BEST1: variants seen among roughly 807,000 people sequenced by gnomAD.
BEST1 encodes bestrophin 1.
A neutral mutation model predicts 63.3 loss-of-function variants in BEST1; 58 were observed. The ratio of observed to expected loss-of-function variants is 0.92; its 90% CI spans 0.74 to 1.14. BEST1 has a LOEUF of 1.14. Ranked by LOEUF, BEST1 falls within the 50% of genes most tolerant of loss-of-function variation. The pLI is 0.00. For synonymous variants in BEST1, 283 were observed against 291.6 expected, an observed-to-expected ratio of 0.97 and a Z score of 0.30; for missense variants, 671 against 740.1, an observed-to-expected ratio of 0.91 and a Z score of 1.08.
downstream of BEST1, chr11:61,965,356 A>T: frequency 6.2e-7 from 1 of 1,610,984 alleles, no homozygotes. Flanking sequence ...CACCCCTAGG[A>T]TCTTTTGTTC....
chr11:61,953,339 G>A (rs1246023315), intron 2 of BEST1, among the ~76,000 whole-genome samples: 1 of 152,162 alleles, frequency 6.6e-6, no homozygotes, highest in East Asian at 1.9e-4. Flanking sequence ...ACTTTGGGAG[G>A]CCAAGGCAGG....
At chr11:61,964,788 G>A (rs1064740), downstream of BEST1, 1 of 1,599,958 alleles carries the variant, frequency 6.3e-7, no homozygotes, top group South Asian at 1.1e-5. Context: ...CGCCAAGCCA[G>A]ATTCGGGCGC....
chr11:61,956,711 G>A (rs987179828), intron 4 of BEST1, 133 bp from the exon 5 acceptor site: 3 of 1,051,220 alleles, frequency 2.9e-6, no homozygotes, highest in African/African-American at 3.1e-5. Context: ...CACCTAGTAG[G>A]TGCTCAGAAA....
At chr11:61,963,932 T>G (rs1591317931) in intron 10 of BEST1, 172 bp from the exon 11 acceptor site, 1 of 1,429,452 alleles carries the variant, frequency 7.0e-7, no homozygotes, top group Non-Finnish European at 9.2e-7. Context: ...CAGGAGGTGG[T>G]GGTTGCAGTG....
At chr11:61,958,858 C>CAGG in intron 7 of BEST1, 1 of 301,316 alleles carries the variant, frequency 3.3e-6, no homozygotes. Flanking sequence ...CTGTCTCTGC[C>CAGG]CTTCCTGTCA....
At chr11:61,955,347 A>G (rs1941190469) in intron 3 of BEST1, 146 bp downstream of exon 3, 1 of 1,520,310 alleles carries the variant, frequency 6.6e-7, no homozygotes, top group South Asian at 1.2e-5. Context: ...CTGTAGGGAA[A>G]GGTGCGGACT....
At chr11:61,952,857 C>CAGTAGCAGTGACT in intron 2 of BEST1, among the ~76,000 whole-genome samples, 1 of 152,146 alleles carries the variant, frequency 6.6e-6, no homozygotes, top group Admixed American at 6.6e-5. Context: ...TCTGTAATCC[C>CAGTAGCAGTGACT]AGCACTTTGA....
intron 3 of BEST1, 104 bp downstream of exon 3, chr11:61,955,305 C>T: frequency 2.5e-6 from 2 of 793,894 alleles, no homozygotes; most frequent in Non-Finnish European, 2.0e-6. Context: ...GGGGAGGGGG[C>T]GGGGGAACGC....
At chr11:61,965,217 TA>T, downstream of BEST1, 2 of 1,591,334 alleles carry the variant, frequency 1.3e-6, no homozygotes. Flanking sequence ...ACTATTTGCC[TA>T]ATTTAGTTTA....
Position 61,959,505 on chromosome 11 carries a change from A to T in BEST1, c.875A>T (p.Glu292Val). 1 of 1,614,212 alleles carries T rather than the reference A, an allele frequency of 6.2e-7. No individual in the cohort carries two copies. Among genetic ancestry groups the T allele is most frequent in the Non-Finnish European group, 8.5e-7 (1 of 1,180,028 alleles). The change falls in exon 8 of 11, where the codon GAG (glutamate) becomes GTG (valine). Residue 292 changes from glutamate to valine, a missense_variant. Coordinates refer to ENST00000378043, the MANE Select transcript of BEST1 (RefSeq NM_004183.4). ...FFYVGWLKVAEQLINPFGEDD... is the reference protein window; with the variant it reads ...FFYVGWLKVAVQLINPFGEDD... ...GCCTCACCTGTCCCCAAGGTGGCAGAGCAGCTCATCAACCCCTTTGGAGAG... is the reference window on the plus strand; with the variant it reads ...GCCTCACCTGTCCCCAAGGTGGCAGTGCAGCTCATCAACCCCTTTGGAGAG...
At chr11:61,956,602 C>T (rs1304363827) in intron 4 of BEST1, among the ~76,000 whole-genome samples, 1 of 152,060 alleles carries the variant, frequency 6.6e-6, no homozygotes. Flanking sequence ...GGCTGCAGTG[C>T]GCTAAGATCG....
At chr11:61,953,260 T>C (rs950829012) in intron 2 of BEST1, among the ~76,000 whole-genome samples, 10 of 152,090 alleles carry the variant, frequency 6.6e-5, no homozygotes, top group Non-Finnish European at 1.5e-4. Flanking sequence ...ATTTGGTTTT[T>C]ACTAGGGCAC....
intron 9 of BEST1, 73 bp from the exon 10 acceptor site, chr11:61,962,182 G>C (rs991755787): frequency 6.5e-7 from 1 of 1,542,476 alleles, no homozygotes; most frequent in Non-Finnish European, 8.9e-7. Context: ...AGGAGCGGGG[G>C]TAAGGGAGAA....
chr11:61,958,951 GC>G lies in BEST1; in HGVS notation c.868-540del, dbSNP rs537297948. On this transcript the variant is annotated intron_variant, in intron 7 of 10. Transcript: ENST00000378043. ...ATTCCTATTCCTCTAAATTCCCCCT[GC>G]CCCCCCAGTTATCTTTGGTTTCTGC... is the stretch of plus-strand genomic sequence containing the variant. The G allele has an allele frequency of 6.8e-4, 142 of 210,164 alleles. 2 individuals carry two copies. The South Asian group carries it at 8.3e-3, about 12-fold the overall frequency. 13.0% of individuals were successfully genotyped at this position (210,164 alleles called of 1,614,324 possible). A position where few individuals can be genotyped will look rare whatever the true frequency, so the allele number is the denominator to read the frequency against.
chr11:61,957,295 A>T (rs1214574065), intron 5 of BEST1, 92 bp from the exon 6 acceptor site: 24 of 1,211,824 alleles, frequency 2.0e-5, no homozygotes, highest in Non-Finnish European at 2.8e-5. Flanking sequence ...GACCATAGGT[A>T]CCAGGCCCTG....
rs907283427 is a variant in BEST1 at position 61,951,704 on chromosome 11, G to A, written c.-36-67G>A. The A allele has an allele frequency of 3.3e-6, 5 of 1,514,172 alleles. No homozygotes were observed. In the African/African-American group the frequency reaches 6.9e-5, roughly 21 times the overall value. 93.8% of individuals were successfully genotyped at this position (1,514,172 alleles called of 1,614,324 possible). A position where few individuals can be genotyped will look rare whatever the true frequency, so the allele number is the denominator to read the frequency against. Reference sequence around the variant, plus strand: ...GAGTTGAGGTCCAGAGCAGGGAAGGGTCCTGACAGGCTCTGACCAGGGCCT... The same window carrying A: ...GAGTTGAGGTCCAGAGCAGGGAAGGATCCTGACAGGCTCTGACCAGGGCCT... On this transcript the variant is annotated intron_variant, in intron 1 of 10. Transcript: ENST00000378043.
downstream of BEST1, chr11:61,965,075 G>T (rs781369198): frequency 7.5e-6 from 12 of 1,608,690 alleles, no homozygotes; most frequent in Non-Finnish European, 1.0e-5. Flanking sequence ...ACACTCCATT[G>T]CATTCAGCCC....
chr11:61,963,642 T>C (rs1227240873), intron 10 of BEST1: 15 of 1,051,638 alleles, frequency 1.4e-5, no homozygotes, highest in Non-Finnish European at 1.7e-5. Context: ...GCAGCTATTA[T>C]GATTGAAAAC....
chr11:61,960,129 A>G (rs761613262), intron 9 of BEST1, 86 bp downstream of exon 9: 1 of 1,531,428 alleles, frequency 6.5e-7, no homozygotes, highest in Non-Finnish European at 8.8e-7. Context: ...TAGTTAATGC[A>G]TACAGGTTGC....
Sources: allele counts gnomAD v4.1 joint callset (sites outside exome capture counted in the v4.1 genomes callset), GRCh38; gene constraint gnomAD v4.1.1; transcripts MANE v1.5; gene names NCBI Gene and HGNC (gene_info 2026-07-23, HGNC 2026-07-21).